Variants in ATF7IP observed in about 807,000 individuals in gnomAD.
The protein encoded by ATF7IP is activating transcription factor 7 interacting protein, also known as activating transcription factor 7-interacting protein 1.
In ATF7IP, 23 loss-of-function variants were observed where a neutral mutation model predicts 106.4. The observed-to-expected ratio is 0.22, with a 90% CI of 0.16 to 0.31. The LOEUF (loss-of-function observed/expected upper bound fraction) is 0.31, where lower values mean the gene tolerates loss of function less well. Among genes scored for constraint, ATF7IP ranks in the 10% least tolerant of loss-of-function variants. The pLI, the probability that ATF7IP is intolerant of heterozygous loss-of-function variation, is 1.00. For synonymous variants in ATF7IP, 542 were observed against 539.0 expected (o/e 1.01, Z -0.08); for missense variants, 1,334 against 1,524.3 (o/e 0.88, Z 2.08).
chr12:14,456,737 ATAAGTG>A, intron 7 of ATF7IP, 103 bp downstream of exon 7: 1 of 824,744 alleles, frequency 1.2e-6, no homozygotes, highest in South Asian at 1.7e-5. Flanking sequence ...TTATGTAGAA[ATAAGTG>A]TTTGGTGTAC....
chr12:14,368,974 G>A (rs561249029), intron 1 of ATF7IP, among the ~76,000 whole-genome samples: 1 of 151,054 alleles, frequency 6.6e-6, no homozygotes, highest in Non-Finnish European at 1.5e-5. Context: ...TTTTGAGATA[G>A]GATCTTGCTC....
chr12:14,481,275 CA>C, intron 13 of ATF7IP, 90 bp downstream of exon 13: 1 of 1,331,808 alleles, frequency 7.5e-7, no homozygotes, highest in Non-Finnish European at 1.0e-6. Flanking sequence ...TTAAATTTTG[CA>C]AAAATTTCTT....
chr12:14,496,160 T>A, intron 13 of ATF7IP, 71 bp from the exon 14 acceptor site: 1 of 968,280 alleles, frequency 1.0e-6, no homozygotes, highest in South Asian at 1.5e-5. Flanking sequence ...CCTTCAAATA[T>A]TTAATCAGTT....
chr12:14,415,299 A>G (rs1390376965), intron 1 of ATF7IP, among the ~76,000 whole-genome samples: 1 of 152,232 alleles, frequency 6.6e-6, no homozygotes, highest in East Asian at 1.9e-4. Context: ...GATCCCAAAA[A>G]TTGACTTGGA....
chr12:14,447,812 C>G (rs1943043017), intron 6 of ATF7IP, among the ~76,000 whole-genome samples: 2 of 152,046 alleles, frequency 1.3e-5, no homozygotes, highest in Non-Finnish European at 2.9e-5. Context: ...TTGTAATATA[C>G]AGAGATTAGA....
chr12:14,436,428 A>C (rs1416947759), intron 4 of ATF7IP, among the ~76,000 whole-genome samples, 177 bp downstream of exon 4: 1 of 152,232 alleles, frequency 6.6e-6, no homozygotes, highest in Non-Finnish European at 1.5e-5. Context: ...GTGGTGGATC[A>C]CCCCTGTAAT....
Position 14,410,725 on chromosome 12 carries a change from G to C in ATF7IP, c.-7-13184G>C, listed in dbSNP as rs147487874. Among the ~76,000 whole-genome samples, 83 of 151,882 alleles carry C rather than the reference G, an allele frequency of 5.5e-4. 2 individuals are homozygous for C. The East Asian group carries it at 0.015, about 28-fold the overall frequency. ...TATTAGTTATTGTCAATCTCTTACT[G>C]TTCCTAATTTATAAGTTAAATGTAT... On this transcript the variant is annotated intron_variant, in intron 1 of 14. Coordinates refer to ENST00000261168, the MANE Select transcript of ATF7IP (RefSeq NM_018179.5).
chr12:14,398,633 G>A (rs1364447342), intron 1 of ATF7IP, among the ~76,000 whole-genome samples: 2 of 151,722 alleles, frequency 1.3e-5, no homozygotes, highest in African/African-American at 2.4e-5. Context: ...CTAATGGGTT[G>A]TTCATTGCTT....
chr12:14,494,695 G>A (rs1944955091), intron 13 of ATF7IP, among the ~76,000 whole-genome samples: 1 of 151,354 alleles, frequency 6.6e-6, no homozygotes, highest in Non-Finnish European at 1.5e-5. Context: ...CAGTATGGGA[G>A]GCCAAGGCAG....
chr12:14,497,611 T>G, intron 14 of ATF7IP, 43 bp from the exon 15 acceptor site: 1 of 1,546,760 alleles, frequency 6.5e-7, no homozygotes, highest in Non-Finnish European at 8.8e-7. Context: ...CTAAAATAGT[T>G]CTTTTTGCAA....
intron 1 of ATF7IP, among the ~76,000 whole-genome samples, chr12:14,396,320 AT>A (rs1490458502): frequency 1.3e-5 from 2 of 152,096 alleles, no homozygotes; most frequent in East Asian, 3.9e-4. Flanking sequence ...TTGGTCACTT[AT>A]TGCTACATAG....
chr12:14,425,120 C>A lies in ATF7IP; in HGVS notation c.1205C>A (p.Thr402Asn). The A allele has an allele frequency of 6.3e-7, 1 of 1,588,192 alleles. No individual in the cohort carries two copies. The highest frequency in any genetic ancestry group is 8.5e-7 in the Non-Finnish European group (1 of 1,172,992). ...CAAGGTGAAAAGAATGAAGATGAAA[C>A]TTCTGCAGATCTTGTAGAAACGATT... ...IDQGEKNEDETSADLVETINE... is the reference protein window; with the variant it reads ...IDQGEKNEDENSADLVETINE... The change falls in exon 2 of 15, where the codon ACT becomes AAT. Residue 402 changes from threonine to asparagine, a missense_variant. Transcript: ENST00000261168.
At chr12:14,371,116 GATT>G in intron 1 of ATF7IP, among the ~76,000 whole-genome samples, 1 of 151,706 alleles carries the variant, frequency 6.6e-6, no homozygotes, top group South Asian at 2.1e-4. Flanking sequence ...CATTGAAAAA[GATT>G]ATCTTGATTA....
At chr12:14,467,071 A>C (rs1457394502) in intron 10 of ATF7IP, among the ~76,000 whole-genome samples, 3 of 152,118 alleles carry the variant, frequency 2.0e-5, no homozygotes, top group Non-Finnish European at 2.9e-5. Flanking sequence ...GCACTTTGCC[A>C]GTCTTTGTAC....
intron 2 of ATF7IP, among the ~76,000 whole-genome samples, chr12:14,425,975 G>C (rs1446776483): frequency 1.3e-5 from 2 of 152,132 alleles, no homozygotes; most frequent in Non-Finnish European, 2.9e-5. Context: ...CTTAAAGCTT[G>C]ATTATCCATT....
rs1210425478 is a variant in ATF7IP at position 14,494,333 on chromosome 12, A to ATGTG, written c.3281-1890_3281-1887dup. Among the ~76,000 whole-genome samples, 677 of 85,852 alleles carry ATGTG rather than the reference A, an allele frequency of 7.9e-3. 34 individuals carry two copies. Among genetic ancestry groups the ATGTG allele is most frequent in the Non-Finnish European group, 0.011 (465 of 44,252 alleles). 56.3% of individuals were successfully genotyped at this position (85,852 alleles called of 152,430 possible). ...TATATATATATATATATATATATATATGTGTGTGTGTATATGTATATATAC... is the reference window on the plus strand; with the variant it reads ...TATATATATATATATATATATATATATGTGTGTGTGTGTGTATATGTATATATAC... On this transcript the variant is annotated intron_variant, in intron 13 of 14. Transcript: ENST00000261168.
intron 1 of ATF7IP, among the ~76,000 whole-genome samples, chr12:14,392,986 C>T (rs1018124751): frequency 2.0e-5 from 3 of 152,074 alleles, no homozygotes; most frequent in South Asian, 4.1e-4. Flanking sequence ...TTCATTTTAG[C>T]AGTGAGCTAG....
rs1387231019 is a variant in ATF7IP, at chr12:14,424,899, A to C, written c.984A>C (p.Gln328His). Residue 328 changes from glutamine (Q) to histidine (H), a missense_variant, in exon 2 of 15, where the codon CAA (glutamine) becomes CAC (histidine). Around this residue, in one of 10 missense-constraint regions of ATF7IP, gnomAD observed 438 missense variants for 405.3 expected, o/e 1.08. Transcript: ENST00000261168. Reference protein sequence around the residue: ...EKNGADEKLEQIQSKDSLDEK... With the variant: ...EKNGADEKLEHIQSKDSLDEK... ...ATGGAGCTGATGAAAAATTAGAGCA[A>C]ATTCAGAGTAAAGACTCATTGGATG... 6.8e-6 allele frequency: 11 copies of C among 1,610,050 alleles called. No individual in the cohort carries two copies. Among genetic ancestry groups the C allele is most frequent in the Non-Finnish European group, 8.5e-6 (10 of 1,179,044 alleles).
intron 10 of ATF7IP, among the ~76,000 whole-genome samples, chr12:14,475,297 C>A (rs945025849): frequency 2.6e-5 from 4 of 152,184 alleles, no homozygotes; most frequent in African/African-American, 9.7e-5. Context: ...AGAGTCCTGG[C>A]TCTTTAGGTT....
Sources: gnomAD v4.1 joint callset for allele counts (sites outside exome capture counted in the v4.1 genomes callset) on GRCh38, gnomAD v4.1.1 for gene constraint, gnomAD v4.1.1 regional missense constraint, MANE v1.5 for transcripts, NCBI Gene and HGNC (gene_info 2026-07-23, HGNC 2026-07-21) for gene names.